CNOT6: variants seen among roughly 807,000 people sequenced by gnomAD.
CNOT6 encodes the protein CCR4-NOT transcription complex subunit 6.
In CNOT6, 12 loss-of-function variants were observed where a neutral mutation model predicts 61.2. The observed-to-expected ratio is 0.20, with a 90% CI of 0.13 to 0.32. CNOT6 has a LOEUF of 0.32. Among genes scored for constraint, CNOT6 ranks in the 10% least tolerant of loss-of-function variants. The pLI, the probability that CNOT6 is intolerant of heterozygous loss-of-function variation, is 1.00. For missense variants in CNOT6, 405 were observed against 663.9 expected (o/e 0.61, Z 4.28); for synonymous variants, 225 against 240.6 (o/e 0.94, Z 0.60).
chr5:180,509,878 G>A (rs1468935495), intron 1 of CNOT6, among the ~76,000 whole-genome samples: 2 of 124,254 alleles, frequency 1.6e-5, no homozygotes, highest in East Asian at 5.1e-4. Flanking sequence ...TTCCTCCTAT[G>A]CAATTCATAT....
In CNOT6 at chr5:180,567,116, T is replaced by C. The variant is rs779911922; in HGVS notation, c.746T>C (p.Phe249Ser). ...QEVETEQYYS[F>S]FLVELKERGY... ...GTTGAAACGGAACAGTATTACAGTT[T>C]TTTTCTGGTAGAGCTGAAAGAACGT... The change falls in exon 8 of 12, where the codon TTT becomes TCT. Residue 249 changes from phenylalanine (F) to serine (S), a missense_variant. Around this residue, in one of 5 missense-constraint regions of CNOT6, gnomAD observed 212 missense variants for 307.1 expected, o/e 0.69. Coordinates refer to ENST00000261951, the MANE Select transcript of CNOT6 (RefSeq NM_001370472.1). The C allele has an allele frequency of 2.5e-5, 40 of 1,613,076 alleles. No individual in the cohort carries two copies. Among genetic ancestry groups the C allele is most frequent in the Non-Finnish European group, 3.2e-5 (38 of 1,179,796 alleles).
chr5:180,541,440 A>ATTTTTTTTT lies in CNOT6; in HGVS notation c.113-8491_113-8490insTTTTTTTTT, dbSNP rs1176286473. Among the ~76,000 whole-genome samples the ATTTTTTTTT allele has an allele frequency of 7.4e-3, 761 of 102,882 alleles. 132 individuals are homozygous for ATTTTTTTTT. The highest frequency in any genetic ancestry group is 0.013 in the African/African-American group (369 of 27,376). The allele number at this position is 102,882 out of a possible 152,430, so 67.5% of individuals were successfully genotyped here. A position where few individuals can be genotyped will look rare whatever the true frequency, so the allele number is the denominator to read the frequency against. The stretch of plus-strand genomic sequence containing the variant: ...CATGAACCACCACAACTGGCCAAGA[A>ATTTTTTTTT]ATTTTTTTTTTTTTTTTTTTTTTTT... On this transcript the variant is annotated intron_variant, in intron 2 of 11. Transcript: ENST00000261951.
intron 3 of CNOT6, 22 bp from the exon 4 acceptor site, chr5:180,553,363 TC>T (rs777603090): frequency 6.4e-7 from 1 of 1,574,260 alleles, no homozygotes; most frequent in Non-Finnish European, 8.7e-7. Context: ...TTTTCTGACT[TC>T]CTGGAATTTT....
chr5:180,544,834 C>G (rs1056964233), intron 2 of CNOT6, among the ~76,000 whole-genome samples: 1 of 152,178 alleles, frequency 6.6e-6, no homozygotes, highest in Non-Finnish European at 1.5e-5. Flanking sequence ...TGGCTCACGC[C>G]TGTAGTTCCA....
At chr5:180,552,348 G>C (rs13165676) in intron 3 of CNOT6, among the ~76,000 whole-genome samples, 66,847 of 151,594 alleles carry the variant, frequency 0.44, 16,467 homozygotes, top group Non-Finnish European at 0.56. Context: ...CACTTAAAAA[G>C]TGACAAATAG....
At chr5:180,533,311 CCTATATATATATATATAT>C (rs755721939) in intron 2 of CNOT6, among the ~76,000 whole-genome samples, 6 of 65,224 alleles carry the variant, frequency 9.2e-5, no homozygotes, top group South Asian at 4.4e-4. Context: ...TGGATGAAAA[CCTATATATATATATATAT>C]ATATATATAT....
In CNOT6 at chr5:180,509,858, CTT is replaced by C. The variant is rs950608086; in HGVS notation, c.-3+15097_-3+15098del. On this transcript the variant is annotated intron_variant, in intron 1 of 11. Coordinates refer to ENST00000261951, the MANE Select transcript of CNOT6 (RefSeq NM_001370472.1). ...TTTTTTTTTTTTTTCACTAGCTACTCTTTGTTAAATTCCTCCTATGCAATTCA... is the reference window on the plus strand; with the variant it reads ...TTTTTTTTTTTTTTCACTAGCTACTCTGTTAAATTCCTCCTATGCAATTCA... Among the ~76,000 whole-genome samples, 6 of 130,910 alleles carry C rather than the reference CTT, an allele frequency of 4.6e-5. No homozygotes were observed. In the East Asian group the frequency reaches 7.0e-4, roughly 15 times the overall value. 85.9% of individuals were successfully genotyped at this position (130,910 alleles called of 152,430 possible).
At chr5:180,558,581 T>C (rs1760018987) in intron 4 of CNOT6, among the ~76,000 whole-genome samples, 2 of 151,144 alleles carry the variant, frequency 1.3e-5, no homozygotes, top group Admixed American at 6.6e-5. Flanking sequence ...TTTCATTGAG[T>C]TCTGCTCTTT....
chr5:180,545,408 G>A (rs1005100337), intron 2 of CNOT6, among the ~76,000 whole-genome samples: 2 of 152,076 alleles, frequency 1.3e-5, no homozygotes, highest in African/African-American at 4.8e-5. Context: ...TATAAATGAT[G>A]TTATACAGTA....
At chr5:180,559,799 A>T (rs1377596574) in intron 4 of CNOT6, among the ~76,000 whole-genome samples, 1 of 151,986 alleles carries the variant, frequency 6.6e-6, no homozygotes, top group Non-Finnish European at 1.5e-5. Flanking sequence ...ATCACACTAG[A>T]TGTATAACTT....
intron 1 of CNOT6, among the ~76,000 whole-genome samples, chr5:180,526,983 G>A (rs1363602440): frequency 2.6e-5 from 4 of 151,094 alleles, no homozygotes; most frequent in East Asian, 3.9e-4. Flanking sequence ...GGGTTCAAGC[G>A]ATCCTCCCAC....
chr5:180,562,981 C>T (rs1300870657), intron 4 of CNOT6, among the ~76,000 whole-genome samples: 1 of 152,160 alleles, frequency 6.6e-6, no homozygotes, highest in Non-Finnish European at 1.5e-5. Context: ...CTTGTAATTG[C>T]CTTCCTGCAA....
rs778479474 is a variant in CNOT6, at chr5:180,550,088, C to T, written c.270C>T (p.Pro90=). The T allele has an allele frequency of 1.5e-5, 24 of 1,613,714 alleles. 1 individual carries two copies. In the Middle Eastern group the frequency reaches 4.9e-4, roughly 33 times the overall value. ...CATCTAATAAAATTCGTAGCTTACC[C>T]GCAGAACTCGGAAACATGGTATCAC... ...DLSSNKIRSL[P]AELGNMVSLR... is the part of the protein sequence containing the mutation. The change falls in exon 3 of 12, where the codon CCC becomes CCT. Residue 90 remains proline (P), a synonymous_variant. Coordinates refer to ENST00000261951, the MANE Select transcript of CNOT6 (RefSeq NM_001370472.1).
intron 9 of CNOT6, 77 bp from the exon 10 acceptor site, chr5:180,569,033 C>T: frequency 9.4e-7 from 1 of 1,058,586 alleles, no homozygotes; most frequent in Non-Finnish European, 1.4e-6. Flanking sequence ...AGATTATTTG[C>T]TTTCAGACGC....
rs762623426 is a variant in CNOT6 at position 180,529,404 on chromosome 5, A to G, written c.112+16A>G. 1.9e-5 allele frequency: 28 copies of G among 1,452,798 alleles called. No homozygotes were observed. The highest frequency in any genetic ancestry group is 3.9e-6 in the Non-Finnish European group (4 of 1,036,040). The allele number at this position is 1,452,798 out of a possible 1,614,324, so 90.0% of individuals were successfully genotyped here. On this transcript the variant is annotated intron_variant, in intron 2 of 11. Transcript: ENST00000261951. ...GAAATAAGTGGTAAGACATGGAAGC[A>G]TGAATTTATGGTATGGAAATTAAGA... is the stretch of plus-strand genomic sequence containing the variant.
rs371207489 is a variant in CNOT6 at position 180,515,010 on chromosome 5, C to T, written c.-2-14265C>T. On this transcript the variant is annotated intron_variant, in intron 1 of 11. Coordinates refer to ENST00000261951, the MANE Select transcript of CNOT6 (RefSeq NM_001370472.1). ...GAGTGGGGAGTACTGAACTTGTTTC[C>T]GTGTTGAGGAGGGCTTACAGAGGCT... Among the ~76,000 whole-genome samples, 12 of 152,004 alleles carry T rather than the reference C, an allele frequency of 7.9e-5. No homozygotes were observed. The East Asian group carries it at 9.6e-4, about 12-fold the overall frequency.
chr5:180,533,567 T>C (rs985783508), intron 2 of CNOT6, among the ~76,000 whole-genome samples: 1 of 151,666 alleles, frequency 6.6e-6, no homozygotes, highest in South Asian at 2.1e-4. Context: ...CATGCCACCA[T>C]GCCCAGCTAA....
chr5:180,497,198 A>G (rs1157965018), intron 1 of CNOT6, among the ~76,000 whole-genome samples: 6 of 152,004 alleles, frequency 3.9e-5, no homozygotes, highest in Non-Finnish European at 5.9e-5. Flanking sequence ...GTGGTGGCGC[A>G]TGCCTGTAAT....
At chr5:180,573,499 T>A (rs1760856667) in intron 11 of CNOT6, among the ~76,000 whole-genome samples, 1 of 151,024 alleles carries the variant, frequency 6.6e-6, no homozygotes, top group East Asian at 1.9e-4. Context: ...AAGAAGGAAT[T>A]GACCTCATAA....
Sources: allele counts gnomAD v4.1 joint callset (sites outside exome capture counted in the v4.1 genomes callset), GRCh38; gene constraint gnomAD v4.1.1; regional missense constraint gnomAD v4.1.1; transcripts MANE v1.5; gene names NCBI Gene and HGNC (gene_info 2026-07-23, HGNC 2026-07-21).